The following USP9X variants were observed in gnomAD, a reference collection of about 807,000 sequenced individuals.
USP9X encodes ubiquitin carboxyl-terminal hydrolase 9X.
In USP9X, 7 loss-of-function variants were observed where a neutral mutation model predicts 190.3. The observed-to-expected ratio is 0.04, with a 90% CI of 0.02 to 0.07. The LOEUF (loss-of-function observed/expected upper bound fraction) is 0.07, where lower values mean the gene tolerates loss of function less well. USP9X is among the 10% of genes least tolerant of loss of function. The pLI, the probability that USP9X is intolerant of heterozygous loss-of-function variation, is 1.00. For synonymous variants in USP9X, 645 were observed against 659.5 expected (o/e 0.98, Z 0.34); for missense variants, 1,010 against 1,916.9 (o/e 0.53, Z 8.83).
chrX:41,092,982 C>T (rs753663027), intron 1 of USP9X, among the ~76,000 whole-genome samples: 1 of 110,955 alleles, frequency 9.0e-6, no homozygotes, highest in African/African-American at 3.3e-5. Context: ...AAGGCATCCT[C>T]GCACCTCAGC....
At chrX:41,207,000 G>A (rs185406298) in intron 32 of USP9X, among the ~76,000 whole-genome samples, 2 of 107,140 alleles carry the variant, frequency 1.9e-5, no homozygotes, top group African/African-American at 6.8e-5. Context: ...TGGCCAGTCT[G>A]GTCTCGAACT....
At chrX:41,228,322 G>T (rs1308659334) in intron 41 of USP9X, among the ~76,000 whole-genome samples, 1 of 112,051 alleles carries the variant, frequency 8.9e-6, no homozygotes, top group Non-Finnish European at 1.9e-5. Flanking sequence ...GCATGTTTGT[G>T]CCCCTACAAT....
chrX:41,135,499 T>C (rs908069526), intron 5 of USP9X, among the ~76,000 whole-genome samples: 6 of 111,702 alleles, frequency 5.4e-5, no homozygotes, highest in African/African-American at 2.0e-4. Flanking sequence ...ACCTTCCATT[T>C]AGGAAAACAG....
In USP9X at chrX:41,184,103, C is replaced by T; in HGVS notation, c.3254C>T (p.Ala1085Val). The change falls in exon 22 of 45, where the codon GCC (alanine) becomes GTC (valine). Residue 1085 changes from alanine to valine, a missense_variant. Transcript: ENST00000378308. Reference protein sequence around the residue: ...SLDSLFFGPSASQVLYLTEVV... With the variant: ...SLDSLFFGPSVSQVLYLTEVV... ...GACTCACTTTTCTTTGGTCCTTCAGCCTCACAAGTGCTATATCTAACAGAG... is the reference window on the plus strand; with the variant it reads ...GACTCACTTTTCTTTGGTCCTTCAGTCTCACAAGTGCTATATCTAACAGAG... 8.3e-7 allele frequency: 1 copy of T among 1,208,878 alleles called. No individual in the cohort carries two copies. The highest frequency in any genetic ancestry group is 1.1e-6 in the Non-Finnish European group (1 of 894,280).
rs2062208882 is a variant in USP9X at position 41,123,615 on chromosome X, G to T, written c.-14G>T. 1 of 1,205,370 alleles carries T rather than the reference G, an allele frequency of 8.3e-7. No individual in the cohort carries two copies. The highest frequency in any genetic ancestry group is 1.1e-6 in the Non-Finnish European group (1 of 890,357). On this transcript the variant is annotated 5_prime_UTR_variant, in exon 2 of 45. Transcript: ENST00000378308. ...TAAGCAGACAAAATTGCAAAGATCT[G>T]CCCTGTGTCGAGTATGACAGCCACG...
At chrX:41,110,260 A>G (rs924335221) in intron 1 of USP9X, among the ~76,000 whole-genome samples, 1 of 112,335 alleles carries the variant, frequency 8.9e-6, no homozygotes, top group Non-Finnish European at 1.9e-5. Flanking sequence ...TTTTTATTCC[A>G]TATATCTGAG....
intron 31 of USP9X, among the ~76,000 whole-genome samples, chrX:41,201,863 C>T (rs187581169): frequency 2.4e-4 from 27 of 110,917 alleles, no homozygotes; most frequent in Non-Finnish European, 3.4e-4. Context: ...CCTAGCTACT[C>T]GGAAGGCTGA....
chrX:41,160,585 A>G (rs1489336471), intron 14 of USP9X, among the ~76,000 whole-genome samples: 1 of 111,498 alleles, frequency 9.0e-6, no homozygotes, highest in Non-Finnish European at 1.9e-5. Flanking sequence ...ATAGCCTCAA[A>G]GTCTCTCTCT....
At chrX:41,112,653 G>GA (rs1473151238) in intron 1 of USP9X, among the ~76,000 whole-genome samples, 1 of 111,545 alleles carries the variant, frequency 9.0e-6, no homozygotes, top group African/African-American at 3.3e-5. Context: ...GTCCACAAAA[G>GA]AAAAAAAATC....
intron 13 of USP9X, among the ~76,000 whole-genome samples, chrX:41,152,338 T>C (rs1321540215): frequency 8.9e-6 from 1 of 111,970 alleles, no homozygotes; most frequent in Non-Finnish European, 1.9e-5. Context: ...GTTCACATAC[T>C]CTCCCAAGAA....
At chrX:41,104,925 A>G (rs898159372) in intron 1 of USP9X, among the ~76,000 whole-genome samples, 1 of 112,102 alleles carries the variant, frequency 8.9e-6, no homozygotes, top group Non-Finnish European at 1.9e-5. Flanking sequence ...GTATAGGGAA[A>G]AATGGGCTTA....
At chrX:41,212,878 T>G (rs754048860) in intron 33 of USP9X, among the ~76,000 whole-genome samples, 2 of 112,100 alleles carry the variant, frequency 1.8e-5, no homozygotes, top group South Asian at 7.3e-4. Flanking sequence ...AATATACTTA[T>G]TCACTTAGCC....
At chrX:41,228,049 C>A (rs1167695296) in intron 41 of USP9X, among the ~76,000 whole-genome samples, 3 of 110,562 alleles carry the variant, frequency 2.7e-5, no homozygotes, top group Non-Finnish European at 5.7e-5. Context: ...CCCAATTAAG[C>A]AGTCACTCAC....
chrX:41,195,682 A>G (rs1299178966), intron 26 of USP9X, among the ~76,000 whole-genome samples: 1 of 111,725 alleles, frequency 9.0e-6, no homozygotes, highest in Non-Finnish European at 1.9e-5. Flanking sequence ...GGGGCACATA[A>G]GCTAGAACCC....
chrX:41,144,453 G>T, intron 10 of USP9X, 69 bp from the exon 11 acceptor site: 3 of 843,295 alleles, frequency 3.6e-6, no homozygotes, highest in South Asian at 4.2e-5. Context: ...TTGTCAGCAA[G>T]CAGTATACAC....
chrX:41,183,519 G>A (rs949958209), intron 21 of USP9X, among the ~76,000 whole-genome samples: 2 of 111,657 alleles, frequency 1.8e-5, no homozygotes, highest in Non-Finnish European at 3.8e-5. Flanking sequence ...AATGTACATA[G>A]GCACTTACCC....
chrX:41,116,446 G>A (rs1250399772), intron 1 of USP9X, among the ~76,000 whole-genome samples: 1 of 112,292 alleles, frequency 8.9e-6, no homozygotes, highest in Non-Finnish European at 1.9e-5. Context: ...TAAAAAACAG[G>A]CTCTTTTAGA....
chrX:41,093,094 T>C (rs903094650), intron 1 of USP9X, among the ~76,000 whole-genome samples: 3 of 111,616 alleles, frequency 2.7e-5, no homozygotes, highest in Non-Finnish European at 5.7e-5. Flanking sequence ...CTCAAACTCC[T>C]GGCCTCAAGC....
intron 1 of USP9X, among the ~76,000 whole-genome samples, chrX:41,115,221 CAAAAAAAAAAAAAAGAAAAA>C (rs1326804533): frequency 4.7e-5 from 2 of 42,868 alleles, no homozygotes; most frequent in Non-Finnish European, 9.0e-5. Context: ...ACTCCGTCTC[CAAAAAAAAAAAAAAGAAAAA>C]GAAAAAAAAA....
Sources: gnomAD v4.1 joint callset for allele counts (sites outside exome capture counted in the v4.1 genomes callset) on GRCh38, gnomAD v4.1.1 for gene constraint, MANE v1.5 for transcripts, NCBI Gene and HGNC (gene_info 2026-07-23, HGNC 2026-07-21) for gene names.